Variants in RAPH1 observed in about 807,000 individuals in gnomAD.
RAPH1 encodes the protein Ras association (RalGDS/AF-6) and pleckstrin homology domains 1.
Under a neutral mutation model 88.1 loss-of-function variants are expected in RAPH1, and 18 were observed. The ratio of observed to expected loss-of-function variants is 0.20; its 90% CI spans 0.14 to 0.30. The LOEUF (loss-of-function observed/expected upper bound fraction) is 0.30. Among genes scored for constraint, RAPH1 ranks in the 10% least tolerant of loss-of-function variants. The pLI is 1.00. For missense variants in RAPH1, 1,448 were observed against 1,543.2 expected, an observed-to-expected ratio of 0.94 and a Z score of 1.03; for synonymous variants, 587 against 559.0, an observed-to-expected ratio of 1.05 and a Z score of -0.71.
intron 4 of RAPH1, among the ~76,000 whole-genome samples, chr2:203,472,758 G>GT (rs916552699): frequency 9.9e-5 from 15 of 152,086 alleles, no homozygotes; most frequent in African/African-American, 3.6e-4. Flanking sequence ...TTTGGTAAAT[G>GT]TAATTCCAAA....
intron 6 of RAPH1, among the ~76,000 whole-genome samples, chr2:203,460,683 T>G (rs1230918003): frequency 1.3e-5 from 2 of 152,130 alleles, no homozygotes; most frequent in Admixed American, 6.5e-5. Flanking sequence ...TTTTGTTACC[T>G]TTTAAAAAAA....
intron 4 of RAPH1, among the ~76,000 whole-genome samples, chr2:203,488,606 A>C (rs1049162121): frequency 3.3e-5 from 5 of 149,798 alleles, no homozygotes; most frequent in Non-Finnish European, 7.4e-5. Context: ...AAAAAAAAAA[A>C]AAAAAAAAAA....
At position 203,434,035 on chromosome 2, in the gene RAPH1, CTCATA is replaced by C. The variant is rs1197703249; in HGVS notation, c.*5397_*5401del. ...CCTCAGTAGTACTGAATATATCTCTCTCATATATCTATCTATCTATCTATATATAT... is the reference window on the plus strand; with the variant it reads ...CCTCAGTAGTACTGAATATATCTCTCTATCTATCTATCTATCTATATATAT... On this transcript the variant is annotated 3_prime_UTR_variant, in exon 14 of 14. Coordinates refer to ENST00000319170, the MANE Select transcript of RAPH1 (RefSeq NM_213589.3). 7.6e-6 allele frequency: 1 copy of C among 131,974 alleles called. No individual in the cohort carries two copies. Among genetic ancestry groups the C allele is most frequent in the African/African-American group, 3.6e-5 (1 of 27,930 alleles). The allele number at this position is 131,974 out of a possible 1,614,324, so 8.2% of individuals were successfully genotyped here.
chr2:203,491,335 GT>G lies in RAPH1; in HGVS notation c.121-17del, dbSNP rs1314162052. 4 of 1,513,520 alleles carry G rather than the reference GT, an allele frequency of 2.6e-6. No homozygotes were observed. Among genetic ancestry groups the G allele is most frequent in the African/African-American group, 2.8e-5 (2 of 71,938 alleles). The allele number at this position is 1,513,520 out of a possible 1,614,324, so 93.8% of individuals were successfully genotyped here. ...AATCCAAACTCTTTATAAAAAGAAAGTTTAATAGTCATATTAAATTCAGGTT... is the reference window on the plus strand; with the variant it reads ...AATCCAAACTCTTTATAAAAAGAAAGTTAATAGTCATATTAAATTCAGGTT... On this transcript the variant is annotated splice_polypyrimidine_tract_variant and intron_variant, in intron 2 of 13. Transcript: ENST00000319170.
At position 203,489,624 on chromosome 2, in the gene RAPH1, T is replaced by C; in HGVS notation, c.692A>G (p.Gln231Arg). ...CCCTTGATGTGTCAAATCCAGCTCTTGAGGGCGTGTTACTTTATCAATATC... is the reference window on the plus strand; with the variant it reads ...CCCTTGATGTGTCAAATCCAGCTCTCGAGGGCGTGTTACTTTATCAATATC... ...SLDIDKVTRPQELDLTHQGQP... is the reference protein window; with the variant it reads ...SLDIDKVTRPRELDLTHQGQP... The change falls in exon 4 of 14, where the codon CAA (glutamine) becomes CGA (arginine). Residue 231 changes from glutamine to arginine, a missense_variant. Gln to Arg is a conservative substitution (Grantham distance 43, BLOSUM62 1). This residue lies in a region of RAPH1 where 513 missense variants were observed against 653.1 expected (regional missense o/e 0.79). Coordinates refer to ENST00000319170, the MANE Select transcript of RAPH1 (RefSeq NM_213589.3). The C allele has an allele frequency of 1.2e-6, 2 of 1,608,902 alleles. No individual in the cohort carries two copies. The highest frequency in any genetic ancestry group is 1.3e-5 in the African/African-American group (1 of 75,016).
Position 203,461,406 on chromosome 2 carries a change from C to T in RAPH1, c.813G>A (p.Leu271=). The T allele has an allele frequency of 1.3e-6, 2 of 1,588,492 alleles. No homozygotes were observed. The highest frequency in any genetic ancestry group is 1.7e-6 in the Non-Finnish European group (2 of 1,168,212). Residue 271 remains leucine, a splice_region_variant and synonymous_variant, in exon 6 of 14, where the codon CTG becomes CTA. Coordinates refer to ENST00000319170, the MANE Select transcript of RAPH1 (RefSeq NM_213589.3). ...CATCAGACATGTGGACTCTGATCAC[C>T]AGCTATAACAGGTAAAAAGAAAAGT... ...EKIKEAQVKK[L]VIRVHMSDDS...
intron 4 of RAPH1, among the ~76,000 whole-genome samples, chr2:203,484,221 T>G (rs1353109554): frequency 1.3e-5 from 2 of 152,192 alleles, no homozygotes; most frequent in Non-Finnish European, 2.9e-5. Flanking sequence ...GAAGATTTGA[T>G]GCTGGTACTT....
At chr2:203,470,492 AAGGAGC>A in intron 4 of RAPH1, among the ~76,000 whole-genome samples, 1 of 152,232 alleles carries the variant, frequency 6.6e-6, no homozygotes, top group South Asian at 2.1e-4. Context: ...AGAAAAAGAA[AAGGAGC>A]AGGGAGGTAA....
intron 7 of RAPH1, among the ~76,000 whole-genome samples, chr2:203,459,110 C>T (rs1282234507): frequency 6.6e-6 from 1 of 151,996 alleles, no homozygotes; most frequent in East Asian, 1.9e-4. Context: ...ACCTTGTGAT[C>T]AGTCCACCTC....
intron 13 of RAPH1, chr2:203,441,719 A>G (rs2153633748): frequency 7.7e-7 from 1 of 1,299,060 alleles, no homozygotes; most frequent in East Asian, 3.3e-5. Flanking sequence ...ATGACTTCTG[A>G]CCTTGGCTGT....
chr2:203,456,105 A>G (rs569087374), intron 8 of RAPH1, among the ~76,000 whole-genome samples: 2 of 152,206 alleles, frequency 1.3e-5, no homozygotes, highest in Admixed American at 6.5e-5. Context: ...GCAATCCTAA[A>G]ATGTTTATTA....
intron 1 of RAPH1, among the ~76,000 whole-genome samples, chr2:203,498,955 G>A (rs1688626843): frequency 2.0e-5 from 3 of 148,532 alleles, no homozygotes; most frequent in Middle Eastern, 7.1e-3. Context: ...ATAGTGTTCA[G>A]TACAGTAACA....
Position 203,441,209 on chromosome 2 carries a change from C to T in RAPH1, c.1981G>A (p.Ala661Thr). 1 of 1,553,414 alleles carries T rather than the reference C, an allele frequency of 6.4e-7. No homozygotes were observed. The highest frequency in any genetic ancestry group is 8.7e-7 in the Non-Finnish European group (1 of 1,145,698). ...GTGCTGTACTTGACGAACATTGGGG[C>T]TGCTGAGCCTGCAGAAGGTGCAGAC... is the stretch of plus-strand genomic sequence containing the variant. ...SQSAPSAGSA[A>T]PMFVKYSTIT... The change falls in exon 14 of 14, where the codon GCC (alanine) becomes ACC (threonine). Residue 661 changes from alanine to threonine, a missense_variant. This residue lies in a region of RAPH1 where 935 missense variants were observed against 890.1 expected (regional missense o/e 1.05). Transcript: ENST00000319170.
chr2:203,467,129 T>C (rs2098529143), intron 4 of RAPH1, among the ~76,000 whole-genome samples: 1 of 152,222 alleles, frequency 6.6e-6, no homozygotes, highest in Non-Finnish European at 1.5e-5. Context: ...TAGCACTGCT[T>C]AGAATCAAAA....
chr2:203,439,367 T>C lies in RAPH1; in HGVS notation c.*70A>G. The C allele has an allele frequency of 6.9e-7, 1 of 1,449,964 alleles. No individual in the cohort carries two copies. The highest frequency in any genetic ancestry group is 9.5e-7 in the Non-Finnish European group (1 of 1,049,810). 89.8% of individuals were successfully genotyped at this position (1,449,964 alleles called of 1,614,324 possible). ...TACCAGGAGGCTCTGAACACCTGAA[T>C]TCACAGATGATCAGGTGAGCTGATT... On this transcript the variant is annotated 3_prime_UTR_variant, in exon 14 of 14. Coordinates refer to ENST00000319170, the MANE Select transcript of RAPH1 (RefSeq NM_213589.3).
chr2:203,517,753 A>T (rs1689681647), intron 1 of RAPH1, among the ~76,000 whole-genome samples: 1 of 152,140 alleles, frequency 6.6e-6, no homozygotes, highest in African/African-American at 2.4e-5. Flanking sequence ...TTACACAACA[A>T]CCTCTTAAAT....
intron 4 of RAPH1, among the ~76,000 whole-genome samples, chr2:203,467,428 T>TAA (rs35484682): frequency 1.8e-4 from 26 of 142,374 alleles, no homozygotes; most frequent in Non-Finnish European, 3.9e-4. Context: ...CCGTCTCTAC[T>TAA]AAAAAAAAAA....
chr2:203,480,112 C>G (rs1687654334), intron 4 of RAPH1, among the ~76,000 whole-genome samples: 1 of 152,210 alleles, frequency 6.6e-6, no homozygotes, highest in Admixed American at 6.5e-5. Context: ...AACTTTCTAT[C>G]AATCTTATAA....
At chr2:203,471,615 A>G (rs2098533171) in intron 4 of RAPH1, among the ~76,000 whole-genome samples, 1 of 148,378 alleles carries the variant, frequency 6.7e-6, no homozygotes, top group African/African-American at 2.5e-5. Flanking sequence ...TTGTCTCAAG[A>G]AAAAAAAAAA....
Sources: gnomAD v4.1 joint callset for allele counts (sites outside exome capture counted in the v4.1 genomes callset) on GRCh38, gnomAD v4.1.1 for gene constraint, gnomAD v4.1.1 regional missense constraint, MANE v1.5 for transcripts, NCBI Gene and HGNC (gene_info 2026-07-23, HGNC 2026-07-21) for gene names.